Variants in SLC8A3 observed in about 807,000 individuals in gnomAD.
The protein encoded by SLC8A3 is sodium/calcium exchanger 3.
A neutral mutation model predicts 65.4 loss-of-function variants in SLC8A3; 37 were observed. That is an observed-to-expected ratio of 0.57 (90% CI 0.44 to 0.74). The LOEUF is 0.74. SLC8A3 is among the 30% of genes least tolerant of loss of function. The pLI, the probability that SLC8A3 is intolerant of heterozygous loss-of-function variation, is 0.00. For synonymous variants in SLC8A3, 461 were observed against 444.5 expected (o/e 1.04, Z -0.47); for missense variants, 1,112 against 1,172.1 (o/e 0.95, Z 0.75).
intron 2 of SLC8A3, among the ~76,000 whole-genome samples, chr14:70,084,926 A>C (rs555191939): frequency 6.6e-6 from 1 of 152,270 alleles, no homozygotes; most frequent in East Asian, 1.9e-4. Flanking sequence ...TGGATGATGG[A>C]AGGGAAGACA....
intron 2 of SLC8A3, among the ~76,000 whole-genome samples, chr14:70,138,280 G>A (rs757610431): frequency 8.5e-5 from 13 of 152,148 alleles, no homozygotes; most frequent in Non-Finnish European, 1.8e-4. Context: ...TGTAAGCTCC[G>A]CTGGGCAGGG....
chr14:70,183,189 G>A (rs1386361361), intron 1 of SLC8A3, among the ~76,000 whole-genome samples: 1 of 152,150 alleles, frequency 6.6e-6, no homozygotes, highest in Non-Finnish European at 1.5e-5. Context: ...AGCCCTATTT[G>A]TCCTTCCAAA....
intron 2 of SLC8A3, among the ~76,000 whole-genome samples, chr14:70,064,923 C>T (rs1889247855): frequency 6.6e-6 from 1 of 152,032 alleles, no homozygotes; most frequent in Non-Finnish European, 1.5e-5. Flanking sequence ...CAGATGGTTG[C>T]TTACTGCAGG....
chr14:70,120,357 C>T (rs187293126), intron 2 of SLC8A3, among the ~76,000 whole-genome samples: 1 of 152,298 alleles, frequency 6.6e-6, no homozygotes, highest in East Asian at 1.9e-4. Flanking sequence ...CTCTTGGTTA[C>T]AACTTCTGAG....
chr14:70,150,578 C>A (rs1280059168), intron 2 of SLC8A3, among the ~76,000 whole-genome samples: 2 of 152,126 alleles, frequency 1.3e-5, no homozygotes, highest in East Asian at 3.9e-4. Context: ...GCCTCCTACC[C>A]TCCCATCACC....
Position 70,078,824 on chromosome 14 carries a change from A to T in SLC8A3, c.1785-17885T>A, listed in dbSNP as rs1050936217. On this transcript the variant is annotated intron_variant, in intron 2 of 6. Transcript: ENST00000356921. ...GATGGATTTCATGATTAGTATGAAG[A>T]TACACCATTGGGAATGGATCTGCAG... Among the ~76,000 whole-genome samples the T allele has an allele frequency of 4.6e-5, 7 of 152,314 alleles. No individual in the cohort carries two copies. In the South Asian group the frequency reaches 1.4e-3, roughly 32 times the overall value.
chr14:70,146,526 T>G (rs898010213), intron 2 of SLC8A3, among the ~76,000 whole-genome samples: 8 of 152,296 alleles, frequency 5.3e-5, no homozygotes, highest in African/African-American at 1.4e-4. Context: ...AGCTCTTCTA[T>G]CTATTCATTT....
rs78328408 is a variant in SLC8A3, at chr14:70,109,976, G to A, written c.1785-49037C>T. ...CCCTTCCTCTAAAGTTAACTGACTG[G>A]TTCTAGTTTTACAATATGGAGACAT... On this transcript the variant is annotated intron_variant, in intron 2 of 6. Coordinates refer to ENST00000356921, the MANE Select transcript of SLC8A3 (RefSeq NM_182932.3). Among the ~76,000 whole-genome samples the A allele has an allele frequency of 9.2e-3, 1,392 of 151,942 alleles. 17 individuals are homozygous for A. The highest frequency in any genetic ancestry group is 0.031 in the African/African-American group (1,284 of 41,424).
chr14:70,161,121 G>GTA (rs3053365), intron 2 of SLC8A3, among the ~76,000 whole-genome samples: 8,328 of 143,088 alleles, frequency 0.058, 720 homozygotes, highest in East Asian at 0.37. Context: ...GGACGTGGTG[G>GTA]TATATATATA....
intron 2 of SLC8A3, among the ~76,000 whole-genome samples, chr14:70,165,574 G>A (rs577522588): frequency 3.9e-5 from 6 of 152,252 alleles, no homozygotes; most frequent in East Asian, 1.9e-4. Flanking sequence ...GGAAGTTCCC[G>A]TTTGTCTTCT....
chr14:70,069,193 T>C lies in SLC8A3; in HGVS notation c.1785-8254A>G, dbSNP rs115636408. On this transcript the variant is annotated intron_variant, in intron 2 of 6. Coordinates refer to ENST00000356921, the MANE Select transcript of SLC8A3 (RefSeq NM_182932.3). ...TAAGCTCTGGATGTCATTCCCAAGC[T>C]GCAGCCACAGTGAGGAGGCACAGAA... Among the ~76,000 whole-genome samples the C allele has an allele frequency of 4.7e-3, 723 of 152,336 alleles. 7 individuals carry two copies. The highest frequency in any genetic ancestry group is 0.016 in the African/African-American group (683 of 41,578).
At chr14:70,087,035 T>A (rs537278242) in intron 2 of SLC8A3, among the ~76,000 whole-genome samples, 28 of 152,238 alleles carry the variant, frequency 1.8e-4, no homozygotes, top group Admixed American at 3.3e-4. Context: ...GCTGCTGATG[T>A]CAGCTTCTAT....
At chr14:70,083,053 G>A (rs1891171997) in intron 2 of SLC8A3, among the ~76,000 whole-genome samples, 1 of 152,140 alleles carries the variant, frequency 6.6e-6, no homozygotes, top group Admixed American at 6.5e-5. Flanking sequence ...TGGTCCAAAG[G>A]AAGGTGGCCA....
intron 2 of SLC8A3, among the ~76,000 whole-genome samples, chr14:70,068,697 T>G (rs915876406): frequency 3.3e-5 from 5 of 152,162 alleles, no homozygotes; most frequent in Admixed American, 6.5e-5. Context: ...TATTTCATTC[T>G]TATTTCTGCT....
At position 70,184,582 on chromosome 14, in the gene SLC8A3, G is replaced by T. The variant is rs77576114; in HGVS notation, c.-63+3797C>A. Among the ~76,000 whole-genome samples the T allele has an allele frequency of 2.0e-4, 30 of 152,110 alleles. No individual in the cohort carries two copies. The East Asian group carries it at 5.4e-3, about 27-fold the overall frequency. On this transcript the variant is annotated intron_variant, in intron 1 of 6. Transcript: ENST00000356921. ...TAACTCCTACCTATCCTCCCTTTCT[G>T]GGCTTAGCTGTCCCTACAAGTCCTC...
At chr14:70,098,194 A>G (rs1892314627) in intron 2 of SLC8A3, among the ~76,000 whole-genome samples, 1 of 152,198 alleles carries the variant, frequency 6.6e-6, no homozygotes, top group Non-Finnish European at 1.5e-5. Flanking sequence ...TCCAGTGGGA[A>G]GAGCTAACCA....
chr14:70,090,903 A>C (rs540573925), intron 2 of SLC8A3, among the ~76,000 whole-genome samples: 2 of 152,346 alleles, frequency 1.3e-5, no homozygotes, highest in South Asian at 4.1e-4. Flanking sequence ...AGAAAAATGC[A>C]CATACTCACA....
chr14:70,068,219 T>C lies in SLC8A3; in HGVS notation c.1785-7280A>G, dbSNP rs149867487. Among the ~76,000 whole-genome samples the C allele has an allele frequency of 6.3e-3, 964 of 152,310 alleles. 13 individuals are homozygous for C. Among genetic ancestry groups the C allele is most frequent in the African/African-American group, 0.022 (897 of 41,562 alleles). The stretch of plus-strand genomic sequence containing the variant: ...GTTCTCTTTAGCCATTGAGTTCCTT[T>C]AGAGTGAAAGTGGGAGTAAGCAGCA... On this transcript the variant is annotated intron_variant, in intron 2 of 6. Transcript: ENST00000356921.
At chr14:70,062,231 G>A (rs1325825980) in intron 2 of SLC8A3, among the ~76,000 whole-genome samples, 1 of 152,136 alleles carries the variant, frequency 6.6e-6, no homozygotes, top group Non-Finnish European at 1.5e-5. Context: ...CTGTGGGCGT[G>A]CTCGGCTTTG....
Sources: allele counts gnomAD v4.1 joint callset (sites outside exome capture counted in the v4.1 genomes callset), GRCh38; gene constraint gnomAD v4.1.1; transcripts MANE v1.5; gene names NCBI Gene and HGNC (gene_info 2026-07-23, HGNC 2026-07-21).